Variants in STAR observed in about 807,000 individuals in gnomAD.
STAR encodes steroidogenic acute regulatory protein, also known as steroidogenic acute regulatory protein, mitochondrial.
Under a neutral mutation model 32.3 loss-of-function variants are expected in STAR, and 32 were observed. The ratio of observed to expected loss-of-function variants is 0.99; its 90% confidence interval spans 0.75 to 1.33. The LOEUF (loss-of-function observed/expected upper bound fraction) is 1.33. STAR is among the 40% of genes most tolerant of loss of function. The pLI, the probability that STAR is intolerant of heterozygous loss-of-function variation, is 0.00. For synonymous variants in STAR, 134 were observed against 140.5 expected (o/e 0.95, Z 0.33); for missense variants, 375 against 379.0 (o/e 0.99, Z 0.09).
intron 5 of STAR, 175 bp downstream of exon 5, chr8:38,145,788 G>C (rs1802558301): frequency 2.6e-6 from 2 of 768,452 alleles, no homozygotes; most frequent in Non-Finnish European, 4.2e-6. Context: ...GTCCAAGTAG[G>C]GCCTATCTTG....
intron 1 of STAR, among the ~76,000 whole-genome samples, chr8:38,149,877 T>A (rs1375906878): frequency 6.6e-6 from 1 of 152,162 alleles, no homozygotes. Context: ...ATGCCTATAA[T>A]CCCAGCAGTT....
At position 38,143,043 on chromosome 8, in the gene STAR, T is replaced by C. The variant is rs1051673644; in HGVS notation, c.*1230A>G. 6.6e-5 allele frequency among the ~76,000 whole-genome samples: 10 copies of C among 152,186 alleles called. No individual in the cohort carries two copies. The highest frequency in any genetic ancestry group is 2.2e-4 in the African/African-American group (9 of 41,438). On this transcript the variant is annotated 3_prime_UTR_variant, in exon 7 of 7. Transcript: ENST00000276449. ...TCATATTTGGCACTGCCTTTCCTTT[T>C]AATTAGGTAAATAAACAGTTATAAT...
chr8:38,146,147 CCTA>C lies in STAR; in HGVS notation c.466-3_466-1del, dbSNP rs1412774624. ...GTATCTTTTCCGATCTTCTGCAGGA[CCTA>C]CCAGGCCATGGGGAACCAGAATCAC... On this transcript the variant is annotated splice_acceptor_variant and splice_polypyrimidine_tract_variant and intron_variant, in intron 4 of 6. Coordinates refer to ENST00000276449, the MANE Select transcript of STAR (RefSeq NM_000349.3). LOFTEE classifies it high-confidence loss of function. 1 of 1,613,778 alleles carries C rather than the reference CCTA, an allele frequency of 6.2e-7. No individual in the cohort carries two copies. Among genetic ancestry groups the C allele is most frequent in the African/African-American group, 1.3e-5 (1 of 74,932 alleles).
Position 38,143,842 on chromosome 8 carries a change from C to A in STAR, c.*431G>T, listed in dbSNP as rs1446392553. ...GGAGGAGCAGAGGGCTGCAGGAGAC[C>A]CTCTGAGATTCTGCTTTGTGCACAT... On this transcript the variant is annotated 3_prime_UTR_variant, in exon 7 of 7. Coordinates refer to ENST00000276449, the MANE Select transcript of STAR (RefSeq NM_000349.3). 7.7e-5 allele frequency: 22 copies of A among 286,966 alleles called. No individual in the cohort carries two copies. The highest frequency in any genetic ancestry group is 2.7e-5 in the Non-Finnish European group (4 of 146,208). The allele number at this position is 286,966 out of a possible 1,614,324, so 17.8% of individuals were successfully genotyped here. A position where few individuals can be genotyped will look rare whatever the true frequency, so the allele number is the denominator to read the frequency against.
chr8:38,144,947 T>G (rs1237613571), intron 6 of STAR: 1 of 1,196,872 alleles, frequency 8.4e-7, no homozygotes, highest in African/African-American at 1.6e-5. Context: ...AGGCGGAGGT[T>G]ACGGTGAGCT....
chr8:38,144,515 TGCCCAGTCAAGGGCGGGAG>T, intron 6 of STAR, 129 bp from the exon 7 acceptor site: 1 of 1,517,222 alleles, frequency 6.6e-7, no homozygotes, highest in Non-Finnish European at 8.8e-7. Flanking sequence ...GCCTTGGAGT[TGCCCAGTCAAGGGCGGGAG>T]GACTGCATTG....
Position 38,144,312 on chromosome 8 carries a change from C to T in STAR, c.819G>A (p.Lys273=), listed in dbSNP as rs1342832737. ...CAGAGGCAGGGTGGGACTCCAGGCG[C>T]TTGCGCAGGTGGTTGGCAAAATCCA... ...TQVDFANHLR[K]RLESHPASEA... The change falls in exon 7 of 7, where the codon AAG becomes AAA. Residue 273 remains lysine, a synonymous_variant. Transcript: ENST00000276449. 6.2e-7 allele frequency: 1 copy of T among 1,609,942 alleles called. No homozygotes were observed. The highest frequency in any genetic ancestry group is 8.5e-7 in the Non-Finnish European group (1 of 1,178,378).
chr8:38,148,640 C>G lies in STAR; in HGVS notation c.178+1G>C, dbSNP rs1554503011. Reference sequence around the variant, plus strand: ...AGGAGCCCAGAAGCCTCAGCACTTACCGAGTAGAGAGCTCCGCCGCCGAAC... The same window carrying G: ...AGGAGCCCAGAAGCCTCAGCACTTAGCGAGTAGAGAGCTCCGCCGCCGAAC... On this transcript the variant is annotated splice_donor_variant, in intron 2 of 6. Coordinates refer to ENST00000276449, the MANE Select transcript of STAR (RefSeq NM_000349.3). LOFTEE classifies it high-confidence loss of function. 1.2e-6 allele frequency: 2 copies of G among 1,613,968 alleles called. No homozygotes were observed. The highest frequency in any genetic ancestry group is 1.7e-6 in the Non-Finnish European group (2 of 1,179,902).
intron 3 of STAR, among the ~76,000 whole-genome samples, chr8:38,147,641 C>T (rs1295353970): frequency 6.6e-6 from 1 of 152,216 alleles, no homozygotes; most frequent in Admixed American, 6.5e-5. Flanking sequence ...TAGTGGGCAG[C>T]ATGTCAGCTT....
chr8:38,148,711 G>A lies in STAR; in HGVS notation c.108C>T (p.Asn36=), dbSNP rs373945555. 5.1e-5 allele frequency: 83 copies of A among 1,613,932 alleles called. No individual in the cohort carries two copies. The highest frequency in any genetic ancestry group is 1.7e-5 in the Admixed American group (1 of 60,010). ...QAVMAISQEL[N]RRALGGPTPS... The stretch of plus-strand genomic sequence containing the variant: ...GGGTGGGGCCCCCCAGGGCCCTCCG[G>A]TTCAGCTCCTGGCTGATGGCCATCA... The change falls in exon 2 of 7, where the codon AAC becomes AAT. Residue 36 remains asparagine, a synonymous_variant. Transcript: ENST00000276449.
Position 38,150,814 on chromosome 8 carries a change from A to G in STAR, c.5T>C (p.Leu2Pro), listed in dbSNP as rs1314101059. MLLATFKLCAGS... is the reference protein window; with the variant it reads MPLATFKLCAGS... Reference sequence around the variant, plus strand: ...AGCGCACAGCTTGAATGTCGCTAGCAGCATTGTTTCCTGGCAAATGTGGCA... The same window carrying G: ...AGCGCACAGCTTGAATGTCGCTAGCGGCATTGTTTCCTGGCAAATGTGGCA... Residue 2 changes from leucine (L) to proline (P), a missense_variant, in exon 1 of 7, where the codon CTG (leucine) becomes CCG (proline). Physicochemically the swap from Leu to Pro is moderately conservative, Grantham distance 98. Transcript: ENST00000276449. 6.2e-7 allele frequency: 1 copy of G among 1,605,876 alleles called. No individual in the cohort carries two copies. Among genetic ancestry groups the G allele is most frequent in the South Asian group, 1.1e-5 (1 of 91,086 alleles).
chr8:38,145,188 C>G, intron 6 of STAR, 34 bp downstream of exon 6: 3 of 1,613,876 alleles, frequency 1.9e-6, no homozygotes, highest in Non-Finnish European at 2.5e-6. Context: ...CTCACTACCA[C>G]CTGCCTTCCA....
At position 38,150,745 on chromosome 8, in the gene STAR, C is replaced by A; in HGVS notation, c.64+10G>T. The A allele has an allele frequency of 6.2e-7, 1 of 1,606,434 alleles. No individual in the cohort carries two copies. Among genetic ancestry groups the A allele is most frequent in the Non-Finnish European group, 8.5e-7 (1 of 1,179,968 alleles). On this transcript the variant is annotated intron_variant, in intron 1 of 6. Transcript: ENST00000276449. ...CCAACCCCTCATCGCCTCCTTCCCG[C>A]AGCGCTCACCCTTCATGTTGCGCAT... is the stretch of plus-strand genomic sequence containing the variant.
chr8:38,148,927 C>T, intron 1 of STAR, 173 bp from the exon 2 acceptor site: 1 of 625,598 alleles, frequency 1.6e-6, no homozygotes. Flanking sequence ...CCTCAACTCC[C>T]ATGGCAGTGC....
intron 3 of STAR, 95 bp from the exon 4 acceptor site, chr8:38,146,542 C>T (rs1802577826): frequency 2.1e-6 from 3 of 1,401,854 alleles, no homozygotes; most frequent in Non-Finnish European, 2.9e-6. Flanking sequence ...CTTTGGGAGG[C>T]CAAGGTGGGT....
chr8:38,150,798 C>T lies in STAR; in HGVS notation c.21G>A (p.Lys7=). The change falls in exon 1 of 7, where the codon AAG becomes AAA. Residue 7 remains lysine (K), a synonymous_variant. Transcript: ENST00000276449. ...GTCTGTAGGAGCTCCCAGCGCACAGCTTGAATGTCGCTAGCAGCATTGTTT... is the reference window on the plus strand; with the variant it reads ...GTCTGTAGGAGCTCCCAGCGCACAGTTTGAATGTCGCTAGCAGCATTGTTT... MLLATF[K]LCAGSSYRHM... The T allele has an allele frequency of 6.2e-7, 1 of 1,606,754 alleles. No homozygotes were observed. The highest frequency in any genetic ancestry group is 1.3e-5 in the African/African-American group (1 of 75,044).
At chr8:38,144,945 G>T (rs1197027419) in intron 6 of STAR, 2 of 1,188,590 alleles carry the variant, frequency 1.7e-6, no homozygotes, top group Non-Finnish European at 2.2e-6. Context: ...GGAGGCGGAG[G>T]TTACGGTGAG....
At position 38,148,678 on chromosome 8, in the gene STAR, C is replaced by T. The variant is rs147318238; in HGVS notation, c.141G>A (p.Thr47=). The change falls in exon 2 of 7, where the codon ACG becomes ACA. Residue 47 remains threonine, a synonymous_variant. Transcript: ENST00000276449. ...RRALGGPTPS[T]WINQVRRRSS... Reference sequence around the variant, plus strand: ...TCCGCCGCCGAACCTGGTTAATCCACGTGCTAGGGGTGGGGCCCCCCAGGG... The same window carrying T: ...TCCGCCGCCGAACCTGGTTAATCCATGTGCTAGGGGTGGGGCCCCCCAGGG... The T allele has an allele frequency of 3.2e-3, 5,180 of 1,614,146 alleles. 17 individuals carry two copies. The highest frequency in any genetic ancestry group is 4.1e-3 in the Non-Finnish European group (4,858 of 1,180,034).
rs773385515 is a variant in STAR at position 38,143,133 on chromosome 8, T to C, written c.*1140A>G. Among the ~76,000 whole-genome samples the C allele has an allele frequency of 2.0e-5, 3 of 152,182 alleles. No individual in the cohort carries two copies. Among genetic ancestry groups the C allele is most frequent in the Non-Finnish European group, 2.9e-5 (2 of 68,042 alleles). The stretch of plus-strand genomic sequence containing the variant: ...GAATTCTTTAAGAACTCATTTAGGT[T>C]ATGATTATGGAAATTAAATTTTTAT... On this transcript the variant is annotated 3_prime_UTR_variant, in exon 7 of 7. Coordinates refer to ENST00000276449, the MANE Select transcript of STAR (RefSeq NM_000349.3).
Sources: gnomAD v4.1 joint callset for allele counts (sites outside exome capture counted in the v4.1 genomes callset) on GRCh38, gnomAD v4.1.1 for gene constraint, MANE v1.5 for transcripts, NCBI Gene and HGNC (gene_info 2026-07-23, HGNC 2026-07-21) for gene names.